CDH20: variants seen among roughly 807,000 people sequenced by gnomAD.
CDH20 encodes cadherin-20.
CDH20 carries 29 observed loss-of-function variants against 74.2 expected under a neutral mutation model. That is an observed-to-expected ratio of 0.39 (90% confidence interval 0.29 to 0.53). CDH20 has a LOEUF of 0.53. CDH20 is among the 20% of genes least tolerant of loss of function. CDH20 has a pLI of 0.69. For synonymous variants in CDH20, 469 were observed against 405.4 expected (o/e 1.16, Z -1.88); for missense variants, 988 against 1,048.3 (o/e 0.94, Z 0.79).
intron 1 of CDH20, among the ~76,000 whole-genome samples, chr18:61,335,188 C>G (rs538209722): frequency 6.6e-6 from 1 of 152,200 alleles, no homozygotes; most frequent in Non-Finnish European, 1.5e-5. Context: ...GTTGACCCAG[C>G]GTTTCCCTTT....
At chr18:61,431,928 GC>G (rs1913269037) in intron 1 of CDH20, among the ~76,000 whole-genome samples, 7 of 152,020 alleles carry the variant, frequency 4.6e-5, no homozygotes, top group Admixed American at 3.9e-4. Context: ...TAACATGAAC[GC>G]TTTGTATTTA....
At chr18:61,476,062 T>G (rs694555) in intron 1 of CDH20, among the ~76,000 whole-genome samples, 3 of 152,082 alleles carry the variant, frequency 2.0e-5, no homozygotes, top group Non-Finnish European at 4.4e-5. Context: ...GAGTGCATTT[T>G]CTAAAGAGAG....
At chr18:61,354,680 G>A (rs1202033029) in intron 1 of CDH20, among the ~76,000 whole-genome samples, 1 of 152,030 alleles carries the variant, frequency 6.6e-6, no homozygotes, top group Non-Finnish European at 1.5e-5. Flanking sequence ...ATGCTGTACT[G>A]AGACAATTAC....
At chr18:61,553,658 C>T (rs1913512739) in intron 11 of CDH20, among the ~76,000 whole-genome samples, 1 of 152,154 alleles carries the variant, frequency 6.6e-6, no homozygotes, top group South Asian at 2.1e-4. Context: ...AACTTTGGTG[C>T]ACACTTAGTA....
At chr18:61,483,287 C>T (rs1910651488) in intron 1 of CDH20, among the ~76,000 whole-genome samples, 1 of 152,070 alleles carries the variant, frequency 6.6e-6, no homozygotes, top group Admixed American at 6.5e-5. Context: ...TTGCCAATAC[C>T]CATGGTATAA....
At chr18:61,476,955 G>A (rs1215923251) in intron 1 of CDH20, among the ~76,000 whole-genome samples, 1 of 152,072 alleles carries the variant, frequency 6.6e-6, no homozygotes, top group East Asian at 1.9e-4. Flanking sequence ...CTTTGTGGGG[G>A]CACAAGCACT....
At chr18:61,535,317 GA>G (rs963960513) in intron 7 of CDH20, among the ~76,000 whole-genome samples, 16 of 146,616 alleles carry the variant, frequency 1.1e-4, no homozygotes, top group African/African-American at 2.5e-4. Flanking sequence ...CTCCACCTCA[GA>G]AAAAAAAAAG....
At chr18:61,514,271 C>G (rs1374027298) in intron 6 of CDH20, among the ~76,000 whole-genome samples, 1 of 152,080 alleles carries the variant, frequency 6.6e-6, no homozygotes, top group Non-Finnish European at 1.5e-5. Context: ...TGCTGATACC[C>G]TTTCTTCCAG....
intron 7 of CDH20, among the ~76,000 whole-genome samples, chr18:61,536,057 G>A (rs1174244762): frequency 6.6e-6 from 1 of 152,108 alleles, no homozygotes; most frequent in African/African-American, 2.4e-5. Context: ...AAATTATAAG[G>A]ACTGGAACCA....
chr18:61,422,087 A>T (rs947458598), intron 1 of CDH20, among the ~76,000 whole-genome samples: 1 of 152,180 alleles, frequency 6.6e-6, no homozygotes, highest in African/African-American at 2.4e-5. Flanking sequence ...TAGTCCATGC[A>T]TTCAGGGACC....
chr18:61,365,527 A>C (rs1207250286), intron 1 of CDH20, among the ~76,000 whole-genome samples: 1 of 152,196 alleles, frequency 6.6e-6, no homozygotes, highest in African/African-American at 2.4e-5. Context: ...AGGTCCACTG[A>C]GTAAAAATAG....
intron 11 of CDH20, among the ~76,000 whole-genome samples, chr18:61,553,952 T>C (rs1913525128): frequency 1.3e-5 from 2 of 152,206 alleles, no homozygotes; most frequent in African/African-American, 2.4e-5. Context: ...TAGGCAACTT[T>C]TTCTAATTAA....
Position 61,490,455 on chromosome 18 carries a change from A to T in CDH20, c.-99A>T. The T allele has an allele frequency of 8.5e-7, 1 of 1,182,648 alleles. No homozygotes were observed. The highest frequency in any genetic ancestry group is 1.2e-6 in the Non-Finnish European group (1 of 818,910). The allele number at this position is 1,182,648 out of a possible 1,614,324, so 73.3% of individuals were successfully genotyped here. A position where few individuals can be genotyped will look rare whatever the true frequency, so the allele number is the denominator to read the frequency against. On this transcript the variant is annotated 5_prime_UTR_variant, in exon 2 of 12. In the 5' UTR this introduces an upstream ATG that the reference lacks. Coordinates refer to ENST00000262717, the MANE Select transcript of CDH20 (RefSeq NM_031891.4). ...AACGGGATCTCATTTAGGAAGCATA[A>T]GTGTCCAATCAAAAACTGTGTATTT... is the stretch of plus-strand genomic sequence containing the variant.
intron 1 of CDH20, among the ~76,000 whole-genome samples, chr18:61,352,203 C>G (rs964427859): frequency 6.6e-6 from 1 of 152,202 alleles, no homozygotes; most frequent in Non-Finnish European, 1.5e-5. Context: ...AGGCCTCTGT[C>G]TCCAGCTGTC....
intron 1 of CDH20, among the ~76,000 whole-genome samples, chr18:61,388,571 G>T (rs1599052242): frequency 6.6e-6 from 1 of 152,260 alleles, no homozygotes; most frequent in Admixed American, 6.5e-5. Flanking sequence ...GGAGATTTCT[G>T]TTGAGAAATT....
chr18:61,552,283 C>A (rs556075627), intron 11 of CDH20, among the ~76,000 whole-genome samples: 1 of 151,884 alleles, frequency 6.6e-6, no homozygotes, highest in South Asian at 2.1e-4. Context: ...AGAACTAATT[C>A]TCTTCTGTCA....
At chr18:61,433,039 G>T (rs1362780060) in intron 1 of CDH20, among the ~76,000 whole-genome samples, 1 of 152,132 alleles carries the variant, frequency 6.6e-6, no homozygotes, top group African/African-American at 2.4e-5. Context: ...TACATGGAGA[G>T]CACTGTTAGA....
chr18:61,450,326 G>T (rs1384759776), intron 1 of CDH20, among the ~76,000 whole-genome samples: 2 of 150,372 alleles, frequency 1.3e-5, no homozygotes, highest in African/African-American at 4.9e-5. Flanking sequence ...CTCAGAGTAG[G>T]TAATTATCCC....
At chr18:61,498,226 C>T (rs900533068) in intron 2 of CDH20, among the ~76,000 whole-genome samples, 1 of 151,906 alleles carries the variant, frequency 6.6e-6, no homozygotes, top group African/African-American at 2.4e-5. Flanking sequence ...GTGGCCAAAC[C>T]CCCACTCTAC....
Sources: gnomAD v4.1 joint callset for allele counts (sites outside exome capture counted in the v4.1 genomes callset) on GRCh38, gnomAD v4.1.1 for gene constraint, MANE v1.5 for transcripts, NCBI Gene and HGNC (gene_info 2026-07-23, HGNC 2026-07-21) for gene names.